The following GNB5 variants were observed in gnomAD, a reference collection of about 807,000 sequenced individuals.
The protein encoded by GNB5 is guanine nucleotide-binding protein subunit beta-5.
A neutral mutation model predicts 55.3 loss-of-function variants in GNB5; 37 were observed. The ratio of observed to expected loss-of-function variants is 0.67; its 90% CI spans 0.51 to 0.88. GNB5 has a LOEUF of 0.88. GNB5 is among the 40% of genes least tolerant of loss of function. The pLI, the probability that GNB5 is intolerant of heterozygous loss-of-function variation, is 0.00. For missense variants in GNB5, 476 were observed against 515.3 expected (o/e 0.92, Z 0.74); for synonymous variants, 219 against 198.5 (o/e 1.10, Z -0.87).
At chr15:52,170,949 C>G (rs909024277) in intron 3 of GNB5, among the ~76,000 whole-genome samples, 12 of 151,566 alleles carry the variant, frequency 7.9e-5, no homozygotes, top group African/African-American at 2.9e-4. Flanking sequence ...AAAAAATTAG[C>G]CAGGCATGGT....
intron 6 of GNB5, among the ~76,000 whole-genome samples, chr15:52,142,462 ATT>A (rs1340429744): frequency 2.0e-5 from 3 of 151,730 alleles, no homozygotes; most frequent in Non-Finnish European, 4.4e-5. Context: ...ACACCCATAA[ATT>A]TGTTTTTTTT....
intron 2 of GNB5, chr15:52,180,475 C>G (rs545258444): frequency 4.6e-5 from 7 of 152,366 alleles, no homozygotes; most frequent in African/African-American, 1.7e-4. Context: ...AAAAATAAAA[C>G]TAGTTGCTGG....
chr15:52,149,506 G>A (rs1282580094), intron 5 of GNB5: 1 of 527,888 alleles, frequency 1.9e-6, no homozygotes, highest in African/African-American at 1.9e-5. Context: ...ATTCCCACAG[G>A]GCTATGGAGT....
chr15:52,166,214 G>C (rs1042726404), intron 3 of GNB5, among the ~76,000 whole-genome samples: 2 of 152,160 alleles, frequency 1.3e-5, no homozygotes, highest in African/African-American at 4.8e-5. Flanking sequence ...GATCTACAAA[G>C]AGACTTACAC....
intron 2 of GNB5, among the ~76,000 whole-genome samples, chr15:52,181,812 C>T (rs2034775533): frequency 6.6e-6 from 1 of 151,754 alleles, no homozygotes; most frequent in South Asian, 2.1e-4. Flanking sequence ...ATGGTAGGTG[C>T]TCAGTTAATG....
At chr15:52,126,136 C>G (rs954541655) in intron 10 of GNB5, 92 bp from the exon 11 acceptor site, 24 of 657,620 alleles carry the variant, frequency 3.6e-5, no homozygotes, top group Non-Finnish European at 1.4e-5. Flanking sequence ...TAGTGACTTG[C>G]GTAGTTTAAA....
chr15:52,153,054 A>C (rs1389001817), intron 4 of GNB5, among the ~76,000 whole-genome samples: 1 of 152,212 alleles, frequency 6.6e-6, no homozygotes, highest in Non-Finnish European at 1.5e-5. Context: ...CAGCCTCTTG[A>C]TAGTCACACT....
chr15:52,142,077 G>A (rs145708881), intron 6 of GNB5, among the ~76,000 whole-genome samples: 1 of 152,288 alleles, frequency 6.6e-6, no homozygotes, highest in East Asian at 1.9e-4. Flanking sequence ...AAGTACTGTA[G>A]AACATTTTGC....
At chr15:52,128,920 C>T in intron 9 of GNB5, 1 of 345,868 alleles carries the variant, frequency 2.9e-6, no homozygotes, top group Admixed American at 3.7e-5. Context: ...TCTGCCTCAC[C>T]CAGCTGTGTT....
chr15:52,179,704 G>T (rs1204761016), intron 3 of GNB5, 64 bp downstream of exon 3: 9 of 396,732 alleles, frequency 2.3e-5, no homozygotes. Flanking sequence ...CGCCCCCGCC[G>T]TCCCCGCCCG....
intron 3 of GNB5, among the ~76,000 whole-genome samples, chr15:52,159,858 G>A (rs947077933): frequency 6.6e-6 from 1 of 152,142 alleles, no homozygotes. Context: ...TGACTCCGCT[G>A]GCAGGCGTGG....
chr15:52,156,238 A>G (rs1452140426), intron 3 of GNB5, among the ~76,000 whole-genome samples: 1 of 152,232 alleles, frequency 6.6e-6, no homozygotes, highest in African/African-American at 2.4e-5. Flanking sequence ...GCAGGTTCCC[A>G]TGACCTTCTG....
At chr15:52,188,212 A>G (rs907911210) in intron 1 of GNB5, among the ~76,000 whole-genome samples, 1 of 152,184 alleles carries the variant, frequency 6.6e-6, no homozygotes, top group African/African-American at 2.4e-5. Flanking sequence ...CGGAGACTCC[A>G]ATTTTTGAGT....
chr15:52,128,329 ATC>A, intron 9 of GNB5, 85 bp from the exon 10 acceptor site: 1 of 871,180 alleles, frequency 1.1e-6, no homozygotes, highest in South Asian at 1.4e-5. Flanking sequence ...TGGAATCAGA[ATC>A]TCTATTTCTA....
At chr15:52,150,964 T>A (rs1000551742) in intron 4 of GNB5, among the ~76,000 whole-genome samples, 20 of 152,218 alleles carry the variant, frequency 1.3e-4, no homozygotes, top group African/African-American at 4.8e-4. Flanking sequence ...AAAACATCAC[T>A]TAAGGGCAGA....
chr15:52,122,436 C>A lies in GNB5; in HGVS notation c.*321G>T. On this transcript the variant is annotated 3_prime_UTR_variant, in exon 13 of 13. Coordinates refer to ENST00000261837, the MANE Select transcript of GNB5 (RefSeq NM_016194.4). ...AAAGAAATAATATGGAATATATTAA[C>A]TGCTGAATTCTACTGGTGACAGAAT... The A allele has an allele frequency of 3.3e-6, 1 of 305,076 alleles. No individual in the cohort carries two copies. The highest frequency in any genetic ancestry group is 7.8e-5 in the South Asian group (1 of 12,828). 18.9% of individuals were successfully genotyped at this position (305,076 alleles called of 1,614,324 possible).
Position 52,117,103 on chromosome 15 carries a change from T to TATATATATATATATATATA in GNB5, c.*5653_*5654insTATATATATATATATATAT, listed in dbSNP as rs1555403840. 4.4e-4 allele frequency: 42 copies of TATATATATATATATATATA among 95,940 alleles called. No homozygotes were observed. The highest frequency in any genetic ancestry group is 1.0e-3 in the African/African-American group (10 of 9,938). 5.9% of individuals were successfully genotyped at this position (95,940 alleles called of 1,614,324 possible). A position where few individuals can be genotyped will look rare whatever the true frequency, so the allele number is the denominator to read the frequency against. On this transcript the variant is annotated 3_prime_UTR_variant, in exon 13 of 13. Coordinates refer to ENST00000261837, the MANE Select transcript of GNB5 (RefSeq NM_016194.4). ...CACGCCCAGCTAATATATATATATA[T>TATATATATATATATATATA]TTTTTTTTAGTACAGACAGGGTTTC...
rs2033232704 is a variant in GNB5 at position 52,120,241 on chromosome 15, T to A, written c.*2516A>T. 1 of 152,348 alleles carries A rather than the reference T, an allele frequency of 6.6e-6. No homozygotes were observed. Among genetic ancestry groups the A allele is most frequent in the African/African-American group, 2.4e-5 (1 of 41,580 alleles). The allele number at this position is 152,348 out of a possible 1,614,324, so 9.4% of individuals were successfully genotyped here. On this transcript the variant is annotated 3_prime_UTR_variant, in exon 13 of 13. Transcript: ENST00000261837. ...TCCTCTGGAAAAAAGAAAAGCTGAT[T>A]ATAAAATGCACTCAGCATTATTTTC...
Position 52,116,954 on chromosome 15 carries a change from C to T in GNB5, c.*5803G>A, listed in dbSNP as rs1255370794. On this transcript the variant is annotated 3_prime_UTR_variant, in exon 13 of 13. Transcript: ENST00000261837. ...TCTTTGTTTTTTTGAGTCAGAGTCTCGCTCTGTCGCCCAGGCTGGAGTGCA... is the reference window on the plus strand; with the variant it reads ...TCTTTGTTTTTTTGAGTCAGAGTCTTGCTCTGTCGCCCAGGCTGGAGTGCA... The T allele has an allele frequency of 6.7e-6, 1 of 149,046 alleles. No homozygotes were observed. The highest frequency in any genetic ancestry group is 2.5e-5 in the African/African-American group (1 of 40,396). The allele number at this position is 149,046 out of a possible 1,614,324, so 9.2% of individuals were successfully genotyped here.
Sources: allele counts gnomAD v4.1 joint callset (sites outside exome capture counted in the v4.1 genomes callset), GRCh38; gene constraint gnomAD v4.1.1; transcripts MANE v1.5; gene names NCBI Gene and HGNC (gene_info 2026-07-23, HGNC 2026-07-21).